The following ZNF804B variants were observed in gnomAD, a reference collection of about 807,000 sequenced individuals.
ZNF804B encodes the protein zinc finger 804B.
A neutral mutation model predicts 101.4 loss-of-function variants in ZNF804B; 80 were observed. The observed-to-expected ratio is 0.79, with a 90% CI of 0.66 to 0.95. The LOEUF is 0.95. Among genes scored for constraint, ZNF804B ranks in the 40% least tolerant of loss-of-function variants. The probability of loss-of-function intolerance (pLI) is 0.00; values close to 1 mark genes in which losing one functional copy is unlikely to be tolerated. For synonymous variants in ZNF804B, 622 were observed against 558.8 expected (o/e 1.11, Z -1.59); for missense variants, 1,673 against 1,561.9 (o/e 1.07, Z -1.20).
At chr7:89,151,134 A>T (rs1790869022) in intron 1 of ZNF804B, among the ~76,000 whole-genome samples, 1 of 152,128 alleles carries the variant, frequency 6.6e-6, no homozygotes, top group Non-Finnish European at 1.5e-5. Flanking sequence ...TAAAATATAA[A>T]TTTAAAGGCA....
intron 1 of ZNF804B, among the ~76,000 whole-genome samples, chr7:88,802,789 G>A (rs1790610862): frequency 6.6e-6 from 1 of 151,370 alleles, no homozygotes; most frequent in South Asian, 2.1e-4. Context: ...AATTAATGAA[G>A]GTGGAGTATA....
At chr7:89,271,383 A>G (rs1223162168) in intron 2 of ZNF804B, among the ~76,000 whole-genome samples, 1 of 152,152 alleles carries the variant, frequency 6.6e-6, no homozygotes, top group Non-Finnish European at 1.5e-5. Flanking sequence ...TGATTTGCAT[A>G]TGTTCAACCA....
intron 1 of ZNF804B, among the ~76,000 whole-genome samples, chr7:88,862,176 A>G (rs933848125): frequency 3.3e-5 from 5 of 152,232 alleles, no homozygotes; most frequent in Admixed American, 3.3e-4. Flanking sequence ...AAAATTATGC[A>G]GCCCATATTT....
chr7:89,288,243 G>A (rs962274326), intron 2 of ZNF804B, among the ~76,000 whole-genome samples: 3 of 152,100 alleles, frequency 2.0e-5, no homozygotes, highest in Non-Finnish European at 2.9e-5. Flanking sequence ...GGAAAGAACC[G>A]ATAAGAATAT....
intron 2 of ZNF804B, among the ~76,000 whole-genome samples, chr7:89,266,893 C>G (rs369943135): frequency 1.4e-5 from 1 of 70,976 alleles, no homozygotes; most frequent in African/African-American, 8.3e-5. Flanking sequence ...GTGTGTGTGT[C>G]TTTGGGAGTG....
intron 1 of ZNF804B, among the ~76,000 whole-genome samples, chr7:89,201,841 G>A (rs1214118015): frequency 6.6e-6 from 1 of 151,958 alleles, no homozygotes; most frequent in African/African-American, 2.4e-5. Flanking sequence ...ATATATCTAA[G>A]AGTCAAATTC....
chr7:89,281,784 A>G (rs34946271), intron 2 of ZNF804B, among the ~76,000 whole-genome samples: 6,824 of 152,252 alleles, frequency 0.045, 145 homozygotes, highest in South Asian at 0.072. Context: ...AAAGTAAGAT[A>G]TAGTATTAAT....
rs995549855 is a variant in ZNF804B, at chr7:89,285,293, C to T, written c.250-42051C>T. 6.6e-5 allele frequency among the ~76,000 whole-genome samples: 10 copies of T among 151,316 alleles called. No individual in the cohort carries two copies. The East Asian group carries it at 1.2e-3, about 18-fold the overall frequency. ...ATCCCAGCACTTTGGGAGCCCGAGG[C>T]GGGTGGATCATGAGGTCAGGAGATC... On this transcript the variant is annotated intron_variant, in intron 2 of 3. Transcript: ENST00000333190.
chr7:89,306,332 A>G (rs934467533), intron 2 of ZNF804B, among the ~76,000 whole-genome samples: 1 of 152,024 alleles, frequency 6.6e-6, no homozygotes, highest in Non-Finnish European at 1.5e-5. Flanking sequence ...AAAGAGGCCC[A>G]TGATATTTTC....
At chr7:89,014,723 T>C (rs192072905) in intron 1 of ZNF804B, among the ~76,000 whole-genome samples, 23 of 152,246 alleles carry the variant, frequency 1.5e-4, no homozygotes, top group Non-Finnish European at 1.0e-4. Context: ...GCTGTTGAGA[T>C]GTTTGATATC....
chr7:88,842,733 G>A (rs758162308), intron 1 of ZNF804B, among the ~76,000 whole-genome samples: 7 of 152,150 alleles, frequency 4.6e-5, no homozygotes, highest in Non-Finnish European at 8.8e-5. Flanking sequence ...TGCTTCAAAC[G>A]AACTAAGAAT....
intron 1 of ZNF804B, among the ~76,000 whole-genome samples, chr7:88,981,689 G>C (rs1475090741): frequency 6.6e-6 from 1 of 152,000 alleles, no homozygotes; most frequent in African/African-American, 2.4e-5. Context: ...TTCCCCTCTG[G>C]CTAGGCTGGT....
chr7:88,932,243 C>T (rs1225803530), intron 1 of ZNF804B, among the ~76,000 whole-genome samples: 1 of 151,614 alleles, frequency 6.6e-6, no homozygotes, highest in Non-Finnish European at 1.5e-5. Flanking sequence ...TGCCATTGTA[C>T]ATAAGAATAC....
Position 89,278,625 on chromosome 7 carries a change from T to G in ZNF804B, c.250-48719T>G, listed in dbSNP as rs765694886. On this transcript the variant is annotated intron_variant, in intron 2 of 3. Coordinates refer to ENST00000333190, the MANE Select transcript of ZNF804B (RefSeq NM_181646.5). ...AATAAGGAATCCTTTCCCCATTGCT[T>G]GTTTTTCTCAGGTTTGTCAAAGATC... Among the ~76,000 whole-genome samples the G allele has an allele frequency of 6.2e-3, 940 of 152,068 alleles. 18 individuals carry two copies. The highest frequency in any genetic ancestry group is 0.056 in the East Asian group (290 of 5,170).
chr7:88,943,196 C>T (rs4728793), intron 1 of ZNF804B, among the ~76,000 whole-genome samples: 6,087 of 151,948 alleles, frequency 0.04, 247 homozygotes, highest in East Asian at 0.17. Flanking sequence ...TTTGTTGTTA[C>T]AGAAAAGGTA....
chr7:89,032,991 C>T (rs1788862039), intron 1 of ZNF804B, among the ~76,000 whole-genome samples: 1 of 149,894 alleles, frequency 6.7e-6, no homozygotes, highest in Non-Finnish European at 1.5e-5. Context: ...TTTAAATATA[C>T]AATAAATTAT....
Position 89,265,303 on chromosome 7 carries a change from C to CGCGCACGCGT in ZNF804B, c.249+47012_249+47013insACGCGTGCGC, listed in dbSNP as rs1554386427. ...GTGTGTGTGTGTGTGTGCGCGTGCG[C>CGCGCACGCGT]GCGCGCACACATGCACGTGCACAGG... On this transcript the variant is annotated intron_variant, in intron 2 of 3. Coordinates refer to ENST00000333190, the MANE Select transcript of ZNF804B (RefSeq NM_181646.5). Among the ~76,000 whole-genome samples, 209 of 135,990 alleles carry CGCGCACGCGT rather than the reference C, an allele frequency of 1.5e-3. 1 individual carries two copies. The highest frequency in any genetic ancestry group is 7.5e-3 in the Middle Eastern group (2 of 266). 89.2% of individuals were successfully genotyped at this position (135,990 alleles called of 152,430 possible).
At chr7:89,049,291 G>C (rs1251836455) in intron 1 of ZNF804B, among the ~76,000 whole-genome samples, 1 of 152,108 alleles carries the variant, frequency 6.6e-6, no homozygotes, top group Non-Finnish European at 1.5e-5. Flanking sequence ...CCACCAAAGG[G>C]AGATTTTCAG....
At chr7:89,070,774 C>T (rs1789524044) in intron 1 of ZNF804B, among the ~76,000 whole-genome samples, 1 of 152,010 alleles carries the variant, frequency 6.6e-6, no homozygotes, top group Non-Finnish European at 1.5e-5. Flanking sequence ...TTTATAAGGA[C>T]CATTGATTTT....
Sources: gnomAD v4.1 joint callset for allele counts (sites outside exome capture counted in the v4.1 genomes callset) on GRCh38, gnomAD v4.1.1 for gene constraint, MANE v1.5 for transcripts, NCBI Gene and HGNC (gene_info 2026-07-23, HGNC 2026-07-21) for gene names.